Variants in TNKS observed in about 807,000 individuals in gnomAD.
TNKS encodes tankyrase.
Under a neutral mutation model 135.8 loss-of-function variants are expected in TNKS, and 72 were observed. That is an observed-to-expected ratio of 0.53 (90% CI 0.44 to 0.64). The LOEUF is 0.64. TNKS is among the 30% of genes least tolerant of loss of function. The pLI is 0.00. For synonymous variants in TNKS, 849 were observed against 649.3 expected, an observed-to-expected ratio of 1.31 and a Z score of -4.68; for missense variants, 1,769 against 1,674.0, an observed-to-expected ratio of 1.06 and a Z score of -0.99.
At chr8:9,564,732 G>A in intron 1 of TNKS, among the ~76,000 whole-genome samples, 1 of 152,156 alleles carries the variant, frequency 6.6e-6, no homozygotes, top group Middle Eastern at 3.2e-3. Context: ...CCCTGCTCTT[G>A]AGGCACCTAA....
At chr8:9,627,125 C>T (rs988797683) in intron 3 of TNKS, among the ~76,000 whole-genome samples, 1 of 152,132 alleles carries the variant, frequency 6.6e-6, no homozygotes, top group Non-Finnish European at 1.5e-5. Context: ...CATGAAGACT[C>T]ACAGAGTTTG....
intron 11 of TNKS, among the ~76,000 whole-genome samples, chr8:9,713,151 G>A (rs2128810080): frequency 6.6e-6 from 1 of 152,174 alleles, no homozygotes; most frequent in East Asian, 1.9e-4. Flanking sequence ...GAATAAAAGG[G>A]AACAGAGTTC....
intron 5 of TNKS, among the ~76,000 whole-genome samples, chr8:9,689,724 T>G (rs1803172476): frequency 6.6e-6 from 1 of 152,178 alleles, no homozygotes; most frequent in Non-Finnish European, 1.5e-5. Context: ...CTTAAGGAAC[T>G]TTGAGGTGAC....
chr8:9,704,910 T>A (rs1487951885), intron 6 of TNKS, among the ~76,000 whole-genome samples, 153 bp downstream of exon 6: 14 of 152,250 alleles, frequency 9.2e-5, no homozygotes, highest in Non-Finnish European at 1.8e-4. Flanking sequence ...TTTATTTTCA[T>A]GTACCTACTT....
At chr8:9,601,100 T>C (rs1364281785) in intron 2 of TNKS, among the ~76,000 whole-genome samples, 1 of 152,172 alleles carries the variant, frequency 6.6e-6, no homozygotes, top group Non-Finnish European at 1.5e-5. Flanking sequence ...CAATATCCCA[T>C]TATAAAAATA....
At chr8:9,624,470 TAAA>T (rs779188295) in intron 3 of TNKS, among the ~76,000 whole-genome samples, 8 of 152,180 alleles carry the variant, frequency 5.3e-5, no homozygotes, top group Non-Finnish European at 8.8e-5. Flanking sequence ...TTAGAAGTAA[TAAA>T]AAGAAGTCCC....
chr8:9,679,158 C>A (rs995228388), intron 3 of TNKS, among the ~76,000 whole-genome samples: 1 of 152,038 alleles, frequency 6.6e-6, no homozygotes, highest in East Asian at 1.9e-4. Flanking sequence ...GGAAAATTAC[C>A]CATGTCGCAG....
intron 3 of TNKS, among the ~76,000 whole-genome samples, chr8:9,663,404 G>T (rs1801826083): frequency 3.3e-5 from 5 of 152,180 alleles, no homozygotes; most frequent in Admixed American, 2.6e-4. Flanking sequence ...ATGTGTAAAG[G>T]AAAAGAAACC....
At chr8:9,651,692 T>C (rs1299848363) in intron 3 of TNKS, among the ~76,000 whole-genome samples, 1 of 152,160 alleles carries the variant, frequency 6.6e-6, no homozygotes, top group African/African-American at 2.4e-5. Flanking sequence ...AGCAAGTCAC[T>C]AGGAGGAAAA....
chr8:9,680,897 T>C, intron 5 of TNKS, 97 bp downstream of exon 5: 1 of 806,298 alleles, frequency 1.2e-6, no homozygotes, highest in South Asian at 1.8e-5. Flanking sequence ...TACATGGCTT[T>C]ATTTTAACTG....
At position 9,761,302 on chromosome 8, in the gene TNKS, G is replaced by A. The variant is rs972058416; in HGVS notation, c.3154-214G>A. On this transcript the variant is annotated intron_variant, in intron 20 of 26. Coordinates refer to ENST00000310430, the MANE Select transcript of TNKS (RefSeq NM_003747.3). ...TGTTTCTCCCTTTTTAATTCTCATG[G>A]ACAAAAAGCAAATCAAAGAGTACTT... Among the ~76,000 whole-genome samples the A allele has an allele frequency of 9.2e-5, 14 of 151,966 alleles. 1 individual carries two copies. The highest frequency in any genetic ancestry group is 1.6e-4 in the Non-Finnish European group (11 of 67,978).
chr8:9,574,449 C>A (rs1797867634), intron 1 of TNKS, among the ~76,000 whole-genome samples: 1 of 152,160 alleles, frequency 6.6e-6, no homozygotes, highest in Non-Finnish European at 1.5e-5. Flanking sequence ...TCGGTTCTTG[C>A]CCAGACTACT....
Position 9,720,358 on chromosome 8 carries a change from C to T in TNKS, c.1750-16C>T, listed in dbSNP as rs780352064. 40 of 1,567,410 alleles carry T rather than the reference C, an allele frequency of 2.6e-5. No homozygotes were observed. Among genetic ancestry groups the T allele is most frequent in the East Asian group, 1.4e-4 (6 of 43,138 alleles). On this transcript the variant is annotated splice_polypyrimidine_tract_variant and intron_variant, in intron 11 of 26. Transcript: ENST00000310430. Reference sequence around the variant, plus strand: ...CAAGATGCTCAATTCCATGTGCCCACGCAATGATTTTTCAGATGAATGCAC... The same window carrying T: ...CAAGATGCTCAATTCCATGTGCCCATGCAATGATTTTTCAGATGAATGCAC...
intron 18 of TNKS, among the ~76,000 whole-genome samples, 167 bp downstream of exon 18, chr8:9,748,379 C>G (rs931156217): frequency 1.1e-4 from 16 of 152,214 alleles, no homozygotes; most frequent in Non-Finnish European, 1.5e-5. Context: ...TAATTTAAAA[C>G]TCTTAAGACA....
chr8:9,712,124 C>T (rs1804365910), intron 11 of TNKS, among the ~76,000 whole-genome samples: 1 of 152,180 alleles, frequency 6.6e-6, no homozygotes, highest in African/African-American at 2.4e-5. Flanking sequence ...TTCATTGGCT[C>T]CATGAATCTG....
chr8:9,582,931 C>G (rs1798222004), intron 2 of TNKS, among the ~76,000 whole-genome samples: 2 of 152,048 alleles, frequency 1.3e-5, no homozygotes, highest in Non-Finnish European at 2.9e-5. Context: ...CTTTGGGAGG[C>G]TGAGATGGGC....
At chr8:9,699,654 ACT>A in intron 5 of TNKS, among the ~76,000 whole-genome samples, 1 of 151,756 alleles carries the variant, frequency 6.6e-6, no homozygotes, top group Non-Finnish European at 1.5e-5. Flanking sequence ...TGAATTCACC[ACT>A]CTCATAGCTC....
At chr8:9,728,087 T>C (rs1805250096) in intron 13 of TNKS, among the ~76,000 whole-genome samples, 2 of 152,222 alleles carry the variant, frequency 1.3e-5, no homozygotes, top group South Asian at 4.1e-4. Flanking sequence ...GCATACAGTT[T>C]TAAATTCCAT....
intron 6 of TNKS, 115 bp from the exon 7 acceptor site, chr8:9,706,071 CT>C: frequency 1.7e-6 from 1 of 575,552 alleles, no homozygotes; most frequent in Non-Finnish European, 2.8e-6. Context: ...TTATTAAATA[CT>C]TTTAAATATT....
Sources: allele counts gnomAD v4.1 joint callset (sites outside exome capture counted in the v4.1 genomes callset), GRCh38; gene constraint gnomAD v4.1.1; transcripts MANE v1.5; gene names NCBI Gene and HGNC (gene_info 2026-07-23, HGNC 2026-07-21).